Variants in PDE1A observed in about 807,000 individuals in gnomAD.
PDE1A encodes phosphodiesterase 1A.
A neutral mutation model predicts 61.7 loss-of-function variants in PDE1A; 35 were observed. That is an observed-to-expected ratio of 0.57 (90% CI 0.43 to 0.75). The LOEUF is 0.75. Among genes scored for constraint, PDE1A ranks in the 30% least tolerant of loss-of-function variants. The pLI, the probability that PDE1A is intolerant of heterozygous loss-of-function variation, is 0.00. For synonymous variants in PDE1A, 232 were observed against 213.2 expected (o/e 1.09, Z -0.77); for missense variants, 597 against 630.6 (o/e 0.95, Z 0.57).
intron 2 of PDE1A, among the ~76,000 whole-genome samples, chr2:182,442,038 G>A (rs1684830901): frequency 6.6e-6 from 1 of 151,974 alleles, no homozygotes; most frequent in Non-Finnish European, 1.5e-5. Context: ...AATTTGGTGA[G>A]AAAGAAGCAG....
At chr2:182,588,136 A>C in the PDE1A span, among the ~76,000 whole-genome samples, 1 of 152,214 alleles carries the variant, frequency 6.6e-6, no homozygotes, top group Admixed American at 6.5e-5. Context: ...GCTTTGTGGA[A>C]TATGTCTATT....
At chr2:182,391,084 CTAATA>C (rs554107692) in intron 1 of PDE1A, among the ~76,000 whole-genome samples, 61 of 152,230 alleles carry the variant, frequency 4.0e-4, no homozygotes, top group East Asian at 3.7e-3. Flanking sequence ...CTTGAGTTTT[CTAATA>C]TAAGCAGAAA....
At chr2:182,588,427 C>G in the PDE1A span, among the ~76,000 whole-genome samples, 1 of 152,188 alleles carries the variant, frequency 6.6e-6, no homozygotes, top group South Asian at 2.1e-4. Flanking sequence ...ATTTTAAATT[C>G]TGAATATTTA....
chr2:182,337,716 A>C (rs1035879952), intron 1 of PDE1A, among the ~76,000 whole-genome samples: 3 of 152,196 alleles, frequency 2.0e-5, no homozygotes. Flanking sequence ...GCCTATTCTA[A>C]GTATCACAGG....
the PDE1A span, among the ~76,000 whole-genome samples, chr2:182,540,544 C>T: frequency 4.4e-3 from 662 of 152,166 alleles, 2 homozygotes; most frequent in African/African-American, 0.015. Flanking sequence ...ATTGGCCACA[C>T]TGATGTAGAA....
chr2:182,349,508 T>C (rs1006190573), intron 1 of PDE1A, among the ~76,000 whole-genome samples: 18 of 152,240 alleles, frequency 1.2e-4, no homozygotes, highest in African/African-American at 4.1e-4. Context: ...TTTTTAGTAG[T>C]GTTTATGACA....
At chr2:182,142,062 C>T (rs1192754658), downstream of PDE1A, 1 of 151,844 alleles carries the variant, frequency 6.6e-6, no homozygotes, top group Non-Finnish European at 1.5e-5. Context: ...ATATAAAAGT[C>T]ACATCAAATA....
chr2:182,616,705 A>C, the PDE1A span, among the ~76,000 whole-genome samples: 1 of 152,220 alleles, frequency 6.6e-6, no homozygotes, highest in Non-Finnish European at 1.5e-5. Context: ...TACTTCATGA[A>C]GTGGTTCTCA....
intron 2 of PDE1A, among the ~76,000 whole-genome samples, chr2:182,482,693 GC>G (rs1687779015): frequency 6.6e-6 from 1 of 151,926 alleles, no homozygotes; most frequent in South Asian, 2.1e-4. Context: ...CCCATCCACT[GC>G]CCTACTGGGT....
At chr2:182,689,239 C>T in the PDE1A span, among the ~76,000 whole-genome samples, 1 of 152,178 alleles carries the variant, frequency 6.6e-6, no homozygotes, top group Non-Finnish European at 1.5e-5. Context: ...TTCTCAGGAC[C>T]ACACCGCACT....
intron 1 of PDE1A, among the ~76,000 whole-genome samples, chr2:182,345,234 C>A (rs964494494): frequency 3.3e-5 from 5 of 152,170 alleles, no homozygotes; most frequent in Non-Finnish European, 5.9e-5. Flanking sequence ...AAATGACCTC[C>A]CAGGGTTTCA....
chr2:182,385,640 G>GAAGA (rs142307251), intron 1 of PDE1A, among the ~76,000 whole-genome samples: 1,005 of 70,480 alleles, frequency 0.014, 101 homozygotes, highest in African/African-American at 0.037. Context: ...AAAGAAAGAA[G>GAAGA]AAGAAAGAAA....
At chr2:182,239,648 G>A (rs1690342517) in intron 3 of PDE1A, among the ~76,000 whole-genome samples, 1 of 151,884 alleles carries the variant, frequency 6.6e-6, no homozygotes, top group Non-Finnish European at 1.5e-5. Flanking sequence ...GCATGAGAGA[G>A]ATTTCCTCCA....
the PDE1A span, among the ~76,000 whole-genome samples, chr2:182,642,795 TAA>T: frequency 1.3e-5 from 2 of 152,214 alleles, no homozygotes; most frequent in African/African-American, 4.8e-5. Flanking sequence ...TTTAGAACCC[TAA>T]GTTATTTTAG....
intron 2 of PDE1A, among the ~76,000 whole-genome samples, chr2:182,505,577 CTGTT>C (rs1689356037): frequency 1.3e-5 from 2 of 152,276 alleles, no homozygotes; most frequent in South Asian, 2.1e-4. Context: ...CGGTAGTTAA[CTGTT>C]TGGTTTAGAG....
At chr2:182,375,987 G>T (rs1344752678) in intron 1 of PDE1A, among the ~76,000 whole-genome samples, 1 of 152,200 alleles carries the variant, frequency 6.6e-6, no homozygotes, top group Non-Finnish European at 1.5e-5. Flanking sequence ...AAGGCACCAA[G>T]TCCCCAGGCT....
At chr2:182,246,482 C>T (rs1428655986) in intron 2 of PDE1A, among the ~76,000 whole-genome samples, 18 of 147,764 alleles carry the variant, frequency 1.2e-4, no homozygotes, top group Non-Finnish European at 2.7e-4. Context: ...CGGCTCACTG[C>T]AGCCTCTGCC....
chr2:182,621,177 T>A, the PDE1A span, among the ~76,000 whole-genome samples: 3 of 152,252 alleles, frequency 2.0e-5, no homozygotes, highest in East Asian at 3.9e-4. Flanking sequence ...TCCCTTTCTA[T>A]CTTGGGTTCT....
At position 182,487,350 on chromosome 2, in the gene PDE1A, T is replaced by C. The variant is rs1377563769; in HGVS notation, c.101+34926A>G. On this transcript the variant is annotated intron_variant, in intron 2 of 14. Transcript: ENST00000410103. ...AAGTTGTATGGCCGCTCTGGAAGAT[T>C]AGCAGCTTACGAATGGATTAAACCA... Among the ~76,000 whole-genome samples, 3 of 152,296 alleles carry C rather than the reference T, an allele frequency of 2.0e-5. No homozygotes were observed. In the East Asian group the frequency reaches 5.8e-4, roughly 29 times the overall value.
Sources: gnomAD v4.1 joint callset for allele counts (sites outside exome capture counted in the v4.1 genomes callset) on GRCh38, gnomAD v4.1.1 for gene constraint, MANE v1.5 for transcripts, NCBI Gene and HGNC (gene_info 2026-07-23, HGNC 2026-07-21) for gene names.